The following ATG7 variants were observed in gnomAD, a reference collection of about 807,000 sequenced individuals.
ATG7 encodes autophagy related 7.
A neutral mutation model predicts 82.4 loss-of-function variants in ATG7; 70 were observed. That is an observed-to-expected ratio of 0.85 (90% CI 0.70 to 1.04). The LOEUF is 1.04. Ranked by LOEUF, ATG7 falls within the 50% of genes least tolerant of loss-of-function variation. The pLI, the probability that ATG7 is intolerant of heterozygous loss-of-function variation, is 0.00. For missense variants in ATG7, 792 were observed against 864.3 expected, an observed-to-expected ratio of 0.92 and a Z score of 1.05; for synonymous variants, 287 against 313.0, an observed-to-expected ratio of 0.92 and a Z score of 0.88.
intron 18 of ATG7, among the ~76,000 whole-genome samples, chr3:11,368,922 C>T (rs2076813475): frequency 6.6e-6 from 1 of 151,010 alleles, no homozygotes; most frequent in Non-Finnish European, 1.5e-5. Flanking sequence ...ATATGCCATT[C>T]TTCTGAGCTT....
Position 11,298,782 on chromosome 3 carries a change from G to T in ATG7, c.87G>T (p.Glu29Asp). The change falls in exon 4 of 21, where the codon GAG (glutamate) becomes GAT (aspartate). Residue 29 changes from glutamate (E) to aspartate (D), a missense_variant. Glu to Asp is a conservative substitution (Grantham distance 45). Coordinates refer to ENST00000693202, the MANE Select transcript of ATG7 (RefSeq NM_001349232.2). ...CCTTGGATGTTGGGTTTTGGCATGA[G>T]TTGACCCAGAAGAAGCTGAACGAGT... ...SSALDVGFWH[E>D]LTQKKLNEYR... 1 of 1,614,188 alleles carries T rather than the reference G, an allele frequency of 6.2e-7. No homozygotes were observed. The highest frequency in any genetic ancestry group is 8.5e-7 in the Non-Finnish European group (1 of 1,180,018).
intron 20 of ATG7, among the ~76,000 whole-genome samples, chr3:11,507,960 AAAC>A (rs1404813084): frequency 2.6e-5 from 4 of 151,862 alleles, no homozygotes; most frequent in South Asian, 2.1e-4. Flanking sequence ...ATTAAAAAAA[AAAC>A]AAAAAAACAA....
intron 20 of ATG7, among the ~76,000 whole-genome samples, chr3:11,501,543 A>ATTGCACTGATG (rs375326243): frequency 6.6e-6 from 1 of 151,964 alleles, no homozygotes; most frequent in East Asian, 1.9e-4. Context: ...AGATAATGAT[A>ATTGCACTGATG]TTAATAGATA....
chr3:11,484,716 C>G (rs2089427579), intron 20 of ATG7, among the ~76,000 whole-genome samples: 1 of 152,136 alleles, frequency 6.6e-6, no homozygotes, highest in African/African-American at 2.4e-5. Flanking sequence ...ACGACAGTCC[C>G]CAGAGTGTGA....
chr3:11,398,997 C>G (rs546947913), intron 19 of ATG7, among the ~76,000 whole-genome samples: 1 of 152,254 alleles, frequency 6.6e-6, no homozygotes, highest in African/African-American at 2.4e-5. Context: ...ATTGCTAAAC[C>G]TATGGTGAGG....
chr3:11,363,864 T>G (rs2076428978), intron 17 of ATG7, among the ~76,000 whole-genome samples: 1 of 152,192 alleles, frequency 6.6e-6, no homozygotes, highest in African/African-American at 2.4e-5. Context: ...CAGTTGAAAA[T>G]TGTGGTTGTA....
the ATG7 span, among the ~76,000 whole-genome samples, chr3:11,564,310 A>C: frequency 6.6e-6 from 1 of 152,202 alleles, no homozygotes; most frequent in South Asian, 2.1e-4. Flanking sequence ...TGGGCTCACA[A>C]CCCTGTGACC....
intron 5 of ATG7, among the ~76,000 whole-genome samples, chr3:11,306,014 A>T (rs563317324): frequency 1.7e-4 from 26 of 152,342 alleles, no homozygotes; most frequent in African/African-American, 6.3e-4. Context: ...TAAACTCTGA[A>T]ATGCAAGTTA....
intron 19 of ATG7, among the ~76,000 whole-genome samples, chr3:11,416,294 T>G (rs1287720484): frequency 6.6e-6 from 1 of 152,232 alleles, no homozygotes; most frequent in Non-Finnish European, 1.5e-5. Context: ...ATCTCTTTCT[T>G]AAATGTTTGG....
chr3:11,461,127 G>A (rs528275767), intron 20 of ATG7, among the ~76,000 whole-genome samples: 1 of 152,198 alleles, frequency 6.6e-6, no homozygotes, highest in Non-Finnish European at 1.5e-5. Context: ...GGTGGGGCAG[G>A]GTTTGTGGAA....
At chr3:11,353,869 A>T (rs2075742198) in intron 14 of ATG7, among the ~76,000 whole-genome samples, 1 of 152,178 alleles carries the variant, frequency 6.6e-6, no homozygotes, top group Non-Finnish European at 1.5e-5. Flanking sequence ...ATATTCCTTT[A>T]TAGCAGTGTG....
chr3:11,303,917 CAAAA>C (rs55893689), intron 5 of ATG7, among the ~76,000 whole-genome samples: 4 of 75,894 alleles, frequency 5.3e-5, no homozygotes, highest in Non-Finnish European at 7.7e-5. Context: ...ACTAAAAATG[CAAAA>C]AAAAAAAAAA....
At chr3:11,382,899 G>A (rs1044649284) in intron 19 of ATG7, among the ~76,000 whole-genome samples, 13 of 152,200 alleles carry the variant, frequency 8.5e-5, no homozygotes, top group Admixed American at 7.9e-4. Flanking sequence ...TTTGCCCCAC[G>A]TATATTTGCT....
chr3:11,335,027 T>C (rs976052589), intron 11 of ATG7, among the ~76,000 whole-genome samples: 1 of 151,728 alleles, frequency 6.6e-6, no homozygotes, highest in Non-Finnish European at 1.5e-5. Flanking sequence ...GGATTCAGGA[T>C]TGGCCCACAT....
the ATG7 span, among the ~76,000 whole-genome samples, chr3:11,564,336 C>T: frequency 2.6e-5 from 4 of 152,174 alleles, no homozygotes; most frequent in African/African-American, 9.7e-5. Context: ...CTGTGCAGGA[C>T]CCCAGCCCAA....
At chr3:11,391,560 G>A (rs1274626314) in intron 19 of ATG7, among the ~76,000 whole-genome samples, 1 of 152,214 alleles carries the variant, frequency 6.6e-6, no homozygotes, top group Non-Finnish European at 1.5e-5. Flanking sequence ...GGTGATGCCT[G>A]CCTGCCAGCA....
intron 20 of ATG7, among the ~76,000 whole-genome samples, chr3:11,521,367 CAT>C (rs2092436846): frequency 6.6e-6 from 1 of 152,036 alleles, no homozygotes; most frequent in South Asian, 2.1e-4. Context: ...CACCTGGACT[CAT>C]AAACCCAAAG....
At chr3:11,393,912 C>T (rs1284608228) in intron 19 of ATG7, among the ~76,000 whole-genome samples, 2 of 152,138 alleles carry the variant, frequency 1.3e-5, no homozygotes, top group African/African-American at 2.4e-5. Flanking sequence ...GACTCCTGAG[C>T]TCAAGCAGTC....
At chr3:11,432,870 C>G (rs2083031458) in intron 20 of ATG7, among the ~76,000 whole-genome samples, 1 of 152,100 alleles carries the variant, frequency 6.6e-6, no homozygotes, top group African/African-American at 2.4e-5. Flanking sequence ...GAGATAGATC[C>G]TGACTCCCTA....
Sources: gnomAD v4.1 joint callset for allele counts (sites outside exome capture counted in the v4.1 genomes callset) on GRCh38, gnomAD v4.1.1 for gene constraint, MANE v1.5 for transcripts, NCBI Gene and HGNC (gene_info 2026-07-23, HGNC 2026-07-21) for gene names.